FNDC7: variants seen among roughly 807,000 people sequenced by gnomAD.
FNDC7 encodes the protein fibronectin type III domain containing 7, also known as fibronectin type III domain-containing protein 7.
FNDC7 carries 66 observed loss-of-function variants against 74.2 expected under a neutral mutation model. The observed-to-expected ratio is 0.89, with a 90% CI of 0.73 to 1.09. The LOEUF (loss-of-function observed/expected upper bound fraction) is 1.09. FNDC7 is among the 50% of genes least tolerant of loss of function. FNDC7 has a pLI of 0.00. For synonymous variants in FNDC7, 307 were observed against 330.2 expected (o/e 0.93, Z 0.76); for missense variants, 829 against 893.4 (o/e 0.93, Z 0.92).
chr1:108,712,951 G>A lies in FNDC7; in HGVS notation c.18G>A (p.Glu6=), dbSNP rs749049367. MAGGR[E]TCLPLIGFIL... The stretch of plus-strand genomic sequence containing the variant: ...CCAACAGGATGGCTGGTGGACGAGA[G>A]ACATGTTTGCCTTTGATTGGATTCA... Residue 6 remains glutamate (E), a synonymous_variant, in exon 1 of 13, where the codon GAG becomes GAA. Transcript: ENST00000370017. 3 of 1,551,548 alleles carry A rather than the reference G, an allele frequency of 1.9e-6. No homozygotes were observed. Among genetic ancestry groups the A allele is most frequent in the Admixed American group, 2.0e-5 (1 of 50,978 alleles).
chr1:108,730,963 A>G, intron 9 of FNDC7, 35 bp downstream of exon 9: 1 of 1,571,508 alleles, frequency 6.4e-7, no homozygotes, highest in African/African-American at 1.4e-5. Flanking sequence ...AGCAGTAAGG[A>G]CTTGACTATT....
chr1:108,723,766 G>A (rs887658600), intron 5 of FNDC7, among the ~76,000 whole-genome samples: 4 of 152,210 alleles, frequency 2.6e-5, no homozygotes, highest in African/African-American at 9.6e-5. Context: ...CACACATTAA[G>A]AGCATCTGGG....
At chr1:108,736,485 C>T (rs1252639747) in intron 10 of FNDC7, among the ~76,000 whole-genome samples, 4 of 152,302 alleles carry the variant, frequency 2.6e-5, no homozygotes, top group Middle Eastern at 3.4e-3. Context: ...GTACGTAGCA[C>T]GTAACTGTTG....
rs942464747 is a variant in FNDC7, at chr1:108,722,353, A to G, written c.617A>G (p.Asn206Ser). 3 of 1,608,848 alleles carry G rather than the reference A, an allele frequency of 1.9e-6. No homozygotes were observed. The highest frequency in any genetic ancestry group is 2.7e-5 in the African/African-American group (2 of 74,644). The change falls in exon 5 of 13, where the codon AAC becomes AGC. Residue 206 changes from asparagine (N) to serine (S), a missense_variant. Transcript: ENST00000370017. ...NQRTSPRAPANIQVSFDSGAL... is the reference protein window; with the variant it reads ...NQRTSPRAPASIQVSFDSGAL... ...AATGTAGGTCCTCGGGCCCCTGCCA[A>G]CATTCAAGTCTCTTTCGATAGTGGA...
intron 8 of FNDC7, 114 bp downstream of exon 8, chr1:108,729,000 TC>T: frequency 7.6e-7 from 1 of 1,322,664 alleles, no homozygotes; most frequent in Non-Finnish European, 1.0e-6. Context: ...TACATTAAAC[TC>T]AGAGACGTTT....
At chr1:108,738,389 A>G (rs955667641) in intron 11 of FNDC7, among the ~76,000 whole-genome samples, 4 of 152,106 alleles carry the variant, frequency 2.6e-5, no homozygotes, top group Admixed American at 6.5e-5. Flanking sequence ...GAGCAAATGG[A>G]GCCATGAGTG....
rs1483566285 is a variant in FNDC7, at chr1:108,733,458, T to C, written c.2066T>C (p.Val689Ala). 1.9e-6 allele frequency: 3 copies of C among 1,614,152 alleles called. No individual in the cohort carries two copies. The highest frequency in any genetic ancestry group is 1.1e-5 in the South Asian group (1 of 91,080). The change falls in exon 10 of 13, where the codon GTA (valine) becomes GCA (alanine). Residue 689 changes from valine (V) to alanine (A), a missense_variant. Transcript: ENST00000370017. ...CDVTEIPCGD[V>A]YTVMVSPVAK... ...GTCACTGAGATACCCTGTGGGGATG[T>C]ATACACTGTGATGGTCTCACCAGTT...
intron 4 of FNDC7, among the ~76,000 whole-genome samples, chr1:108,721,840 A>C (rs927281576): frequency 1.3e-5 from 2 of 152,236 alleles, no homozygotes; most frequent in African/African-American, 4.8e-5. Context: ...AAGCTATTAC[A>C]GTAAAAGTTG....
At chr1:108,738,130 C>G (rs570542077) in intron 11 of FNDC7, among the ~76,000 whole-genome samples, 1 of 152,080 alleles carries the variant, frequency 6.6e-6, no homozygotes, top group Non-Finnish European at 1.5e-5. Flanking sequence ...CTGGCGATGC[C>G]GAGGCTGCTG....
chr1:108,738,543 C>T (rs1436313063), intron 11 of FNDC7, among the ~76,000 whole-genome samples: 1 of 147,510 alleles, frequency 6.8e-6, no homozygotes, highest in African/African-American at 2.5e-5. Flanking sequence ...CGCCCACCCC[C>T]ACCCCACCCC....
chr1:108,733,653 T>TAA, intron 10 of FNDC7, 121 bp downstream of exon 10: 1 of 739,380 alleles, frequency 1.4e-6, no homozygotes, highest in East Asian at 3.4e-5. Context: ...TTCTTTCTTT[T>TAA]TTTTTTTTTT....
At chr1:108,716,318 GAGGT>G (rs533315334) in intron 2 of FNDC7, among the ~76,000 whole-genome samples, 2 of 125,356 alleles carry the variant, frequency 1.6e-5, no homozygotes, top group Non-Finnish European at 3.4e-5. Context: ...GAGCAGAAGA[GAGGT>G]GTGTGTGTGT....
At chr1:108,724,329 G>C (rs1236425115) in intron 5 of FNDC7, among the ~76,000 whole-genome samples, 1 of 151,848 alleles carries the variant, frequency 6.6e-6, no homozygotes, top group Non-Finnish European at 1.5e-5. Flanking sequence ...GTACTGAGTT[G>C]TACATACTAT....
At position 108,713,501 on chromosome 1, in the gene FNDC7, T is replaced by G; in HGVS notation, c.64-10T>G. ...TGTGTGGTTCTAATTTTCCAAACTT[T>G]CCTTTTCAGGTTGCTTCAGCAAAAT... On this transcript the variant is annotated splice_polypyrimidine_tract_variant and intron_variant, in intron 1 of 12. Coordinates refer to ENST00000370017, the MANE Select transcript of FNDC7 (RefSeq NM_001144937.3). 1 of 1,549,956 alleles carries G rather than the reference T, an allele frequency of 6.5e-7. No individual in the cohort carries two copies. The highest frequency in any genetic ancestry group is 8.7e-7 in the Non-Finnish European group (1 of 1,146,450).
At chr1:108,719,187 T>A in intron 4 of FNDC7, 138 bp downstream of exon 4, 1 of 937,814 alleles carries the variant, frequency 1.1e-6, no homozygotes, top group Non-Finnish European at 1.6e-6. Context: ...ATTATAAAGT[T>A]ATTTATAGTG....
chr1:108,723,974 T>A (rs1570727946), intron 5 of FNDC7, among the ~76,000 whole-genome samples: 1 of 152,234 alleles, frequency 6.6e-6, no homozygotes, highest in Non-Finnish European at 1.5e-5. Context: ...AACACAGTCA[T>A]GATCATAGGG....
chr1:108,725,029 C>T (rs1049423861), intron 5 of FNDC7, among the ~76,000 whole-genome samples: 5 of 150,954 alleles, frequency 3.3e-5, no homozygotes, highest in African/African-American at 4.9e-5. Context: ...TGCAGTGAGC[C>T]GAGATCACAT....
At chr1:108,717,102 T>C (rs889491828) in intron 2 of FNDC7, among the ~76,000 whole-genome samples, 3 of 152,226 alleles carry the variant, frequency 2.0e-5, no homozygotes, top group South Asian at 2.1e-4. Context: ...CTGAGGCAGA[T>C]ATTGTGATAG....
chr1:108,729,503 C>T (rs1462753861), intron 8 of FNDC7, among the ~76,000 whole-genome samples: 1 of 150,532 alleles, frequency 6.6e-6, no homozygotes, highest in East Asian at 1.9e-4. Flanking sequence ...GAGCAGAGAT[C>T]ATGCCACTGC....
Sources: allele counts gnomAD v4.1 joint callset (sites outside exome capture counted in the v4.1 genomes callset), GRCh38; gene constraint gnomAD v4.1.1; transcripts MANE v1.5; gene names NCBI Gene and HGNC (gene_info 2026-07-23, HGNC 2026-07-21).